The following DCAF5 variants were observed in gnomAD, a reference collection of about 807,000 sequenced individuals.
DCAF5 encodes the protein DDB1- and CUL4-associated factor 5.
Under a neutral mutation model 80.7 loss-of-function variants are expected in DCAF5, and 9 were observed. That is an observed-to-expected ratio of 0.11 (90% CI 0.07 to 0.19). The LOEUF is 0.19. Among genes scored for constraint, DCAF5 ranks in the 10% least tolerant of loss-of-function variants. DCAF5 has a pLI of 1.00. For missense variants in DCAF5, 842 were observed against 1,205.7 expected (o/e 0.70, Z 4.47); for synonymous variants, 433 against 461.9 (o/e 0.94, Z 0.80).
intron 5 of DCAF5, among the ~76,000 whole-genome samples, chr14:69,098,300 T>A (rs1181224909): frequency 6.6e-6 from 1 of 152,174 alleles, no homozygotes; most frequent in Non-Finnish European, 1.5e-5. Flanking sequence ...CAGTCTTTAT[T>A]CAAATATCCT....
intron 7 of DCAF5, among the ~76,000 whole-genome samples, chr14:69,069,018 T>A (rs1334936529): frequency 6.6e-6 from 1 of 152,228 alleles, no homozygotes; most frequent in Non-Finnish European, 1.5e-5. Flanking sequence ...GCTGAGTTCT[T>A]CTTTCATCAT....
intron 7 of DCAF5, among the ~76,000 whole-genome samples, chr14:69,072,623 T>TAAAAAAAAAAAAAAAAAAAAACAAAAAA (rs2038737461): frequency 8.6e-6 from 1 of 116,480 alleles, no homozygotes; most frequent in Non-Finnish European, 1.7e-5. Flanking sequence ...ACCCTGACTT[T>TAAAAAAAAAAAAAAAAAAAAACAAAAAA]AAAAAAAAAA....
chr14:69,106,789 C>T (rs1441949055), intron 5 of DCAF5, among the ~76,000 whole-genome samples: 1 of 152,124 alleles, frequency 6.6e-6, no homozygotes, highest in Non-Finnish European at 1.5e-5. Flanking sequence ...CCTGTAATTC[C>T]AGCACATTGG....
At chr14:69,076,300 A>G (rs934978145) in intron 6 of DCAF5, among the ~76,000 whole-genome samples, 6 of 152,242 alleles carry the variant, frequency 3.9e-5, no homozygotes, top group Non-Finnish European at 8.8e-5. Context: ...TATATATCCA[A>G]GAATTGAAAG....
chr14:69,097,981 G>A (rs995966672), intron 5 of DCAF5, among the ~76,000 whole-genome samples: 3 of 152,152 alleles, frequency 2.0e-5, no homozygotes, highest in Non-Finnish European at 4.4e-5. Context: ...AGCCAGAGGA[G>A]ATGCTGAACC....
chr14:69,060,989 C>G (rs751843809), intron 8 of DCAF5, among the ~76,000 whole-genome samples: 3 of 151,224 alleles, frequency 2.0e-5, no homozygotes, highest in Non-Finnish European at 2.9e-5. Flanking sequence ...TTTTCAAAGT[C>G]ATTTTAATAA....
At chr14:69,122,835 T>C (rs2040763227) in intron 1 of DCAF5, among the ~76,000 whole-genome samples, 1 of 150,974 alleles carries the variant, frequency 6.6e-6, no homozygotes, top group Non-Finnish European at 1.5e-5. Context: ...TGGAACACCA[T>C]ACAAATGATA....
At chr14:69,096,749 A>G (rs2039728340) in intron 5 of DCAF5, among the ~76,000 whole-genome samples, 2 of 152,200 alleles carry the variant, frequency 1.3e-5, no homozygotes, top group East Asian at 1.9e-4. Flanking sequence ...GGGACTCAAC[A>G]TTTAGTCATT....
At chr14:69,105,785 C>T (rs866398054) in intron 5 of DCAF5, among the ~76,000 whole-genome samples, 3 of 150,704 alleles carry the variant, frequency 2.0e-5, no homozygotes, top group Admixed American at 6.6e-5. Context: ...CCTCTACTGT[C>T]GGCCTACCTG....
At chr14:69,096,421 T>A (rs2039718127) in intron 5 of DCAF5, among the ~76,000 whole-genome samples, 1 of 152,242 alleles carries the variant, frequency 6.6e-6, no homozygotes, top group Non-Finnish European at 1.5e-5. Context: ...TCAGTATACT[T>A]TTTGAATCTC....
intron 2 of DCAF5, among the ~76,000 whole-genome samples, chr14:69,120,722 A>C (rs2040692455): frequency 6.6e-6 from 1 of 152,198 alleles, no homozygotes; most frequent in Non-Finnish European, 1.5e-5. Flanking sequence ...CAAACCAATG[A>C]AATCAGTAAA....
At chr14:69,085,327 A>T (rs1279693348) in intron 6 of DCAF5, 1 of 701,376 alleles carries the variant, frequency 1.4e-6, no homozygotes, top group Non-Finnish European at 2.7e-6. Context: ...GAAAGTTGAG[A>T]AGTCCAAAAT....
rs746167693 is a variant in DCAF5 at position 69,152,949 on chromosome 14, G to A, written c.30C>T (p.Ser10=). The change falls in exon 1 of 9, where the codon AGC becomes AGT. Residue 10 remains serine, a synonymous_variant. Transcript: ENST00000341516. The surrounding 1 kb of genome is among the most constrained non-coding windows in gnomAD (Gnocchi z 4.1). ...ACAAGAAGCCCACCACTGACCTCATGCTGCCCCCCAGGCCAGCTCTCCTCT... is the reference window on the plus strand; with the variant it reads ...ACAAGAAGCCCACCACTGACCTCATACTGCCCCCCAGGCCAGCTCTCCTCT... The part of the protein sequence containing the change: MKRRAGLGG[S]MRSVVGFLSQ... The A allele has an allele frequency of 8.1e-6, 13 of 1,612,076 alleles. No homozygotes were observed. The East Asian group carries it at 2.5e-4, about 30-fold the overall frequency.
intron 7 of DCAF5, among the ~76,000 whole-genome samples, chr14:69,074,546 C>G (rs6573867): frequency 1.2e-3 from 188 of 152,252 alleles, no homozygotes; most frequent in African/African-American, 4.3e-3. Flanking sequence ...ATATTTCTTC[C>G]TAATTTCTTT....
chr14:69,056,513 G>A (rs2037976999), intron 8 of DCAF5, among the ~76,000 whole-genome samples: 2 of 152,188 alleles, frequency 1.3e-5, no homozygotes, highest in South Asian at 2.1e-4. Context: ...AAACGAGAAC[G>A]ATTAGCTCCA....
At chr14:69,105,914 C>CACATATATATATATATATATAT (rs2040123116) in intron 5 of DCAF5, among the ~76,000 whole-genome samples, 1 of 49,970 alleles carries the variant, frequency 2.0e-5, no homozygotes, top group Non-Finnish European at 5.7e-5. Flanking sequence ...AATAAACTGT[C>CACATATATATATATATATATAT]ATATATATAT....
chr14:69,139,560 T>C (rs1355377868), intron 1 of DCAF5, among the ~76,000 whole-genome samples: 1 of 150,242 alleles, frequency 6.7e-6, no homozygotes, highest in African/African-American at 2.5e-5. Context: ...ATATCTGTAA[T>C]CCCAGTACTT....
At position 69,118,226 on chromosome 14, in the gene DCAF5, C is replaced by A; in HGVS notation, c.448G>T (p.Val150Leu). The change falls in exon 4 of 9, where the codon GTG becomes TTG. Residue 150 changes from valine to leucine, a missense_variant. By Grantham distance (32) the Val-to-Leu change is conservative. This residue lies in a region of DCAF5 where 142 missense variants were observed against 311.9 expected (regional missense o/e 0.46). Transcript: ENST00000341516. This position sits in a 1 kb window ranked among gnomAD's most constrained non-coding sequence, Gnocchi z 4.0. ...AAAATGTTGTCATTCACTGGGCTCA[C>A]AGACAAGCCATATACTGCATCTTCA... is the stretch of plus-strand genomic sequence containing the variant. ...AHEDAVYGLS[V>L]SPVNDNIFAS... The A allele has an allele frequency of 2.5e-6, 4 of 1,613,950 alleles. No homozygotes were observed. In the South Asian group the frequency reaches 4.4e-5, roughly 18 times the overall value.
intron 5 of DCAF5, among the ~76,000 whole-genome samples, chr14:69,100,814 T>C (rs2039926079): frequency 6.6e-6 from 1 of 152,180 alleles, no homozygotes; most frequent in Admixed American, 6.5e-5. Flanking sequence ...AAGATTATTA[T>C]TGAGAGTATA....
Sources: allele counts gnomAD v4.1 joint callset (sites outside exome capture counted in the v4.1 genomes callset), GRCh38; gene constraint gnomAD v4.1.1; regional missense constraint gnomAD v4.1.1; non-coding constraint Gnocchi (gnomAD v3.1); transcripts MANE v1.5; gene names NCBI Gene and HGNC (gene_info 2026-07-23, HGNC 2026-07-21).